Variants in ZNF354B observed in about 807,000 individuals in gnomAD.
ZNF354B encodes the protein zinc finger protein 354B.
A neutral mutation model predicts 12.9 loss-of-function variants in ZNF354B; 10 were observed. The observed-to-expected ratio is 0.77, with a 90% CI of 0.48 to 1.31. ZNF354B has a LOEUF of 1.31. ZNF354B is among the 40% of genes most tolerant of loss of function. ZNF354B has a pLI of 0.00. For synonymous variants in ZNF354B, 260 were observed against 243.7 expected, an observed-to-expected ratio of 1.07 and a Z score of -0.62; for missense variants, 614 against 711.7, an observed-to-expected ratio of 0.86 and a Z score of 1.56.
chr5:178,882,891 G>A lies in ZNF354B; in HGVS notation c.439G>A (p.Ala147Thr). The A allele has an allele frequency of 6.3e-7, 1 of 1,599,124 alleles. No homozygotes were observed. The highest frequency in any genetic ancestry group is 8.5e-7 in the Non-Finnish European group (1 of 1,176,532). ...TGAAAATTTACAAATAATTTCAGTT[G>A]CCCATACAAAAATCCTTACTGTAGA... ...KNENLQIISV[A>T]HTKILTVDRS... is the part of the protein sequence containing the mutation. The change falls in exon 5 of 5, where the codon GCC (alanine) becomes ACC (threonine). Residue 147 changes from alanine (A) to threonine (T), a missense_variant. Coordinates refer to ENST00000322434, the MANE Select transcript of ZNF354B (RefSeq NM_058230.3).
Position 178,883,951 on chromosome 5 carries a change from A to G in ZNF354B, c.1499A>G (p.Asp500Gly). 1 of 1,614,144 alleles carries G rather than the reference A, an allele frequency of 6.2e-7. No homozygotes were observed. The change falls in exon 5 of 5, where the codon GAC becomes GGC. Residue 500 changes from aspartate to glycine, a missense_variant. By Grantham distance (94) the Asp-to-Gly change is moderately conservative (BLOSUM62 -1). Transcript: ENST00000322434. ...GERPYKCNEC[D>G]KTFRCNSSLS... ...AGACCCTATAAGTGTAACGAATGTG[A>G]CAAAACATTCAGGTGTAACTCATCG... is the stretch of plus-strand genomic sequence containing the variant.
intron 2 of ZNF354B, among the ~76,000 whole-genome samples, chr5:178,863,788 CAGT>C (rs1189920159): frequency 1.3e-5 from 2 of 152,122 alleles, no homozygotes; most frequent in Non-Finnish European, 2.9e-5. Context: ...AGGTGGAAGA[CAGT>C]GGTGTTGATG....
chr5:178,871,163 TC>T (rs937566118), intron 4 of ZNF354B, among the ~76,000 whole-genome samples: 2 of 152,044 alleles, frequency 1.3e-5, no homozygotes, highest in Admixed American at 1.3e-4. Context: ...TAGCCCAAAG[TC>T]CCCATCATGG....
chr5:178,863,466 C>T (rs1433917351), intron 2 of ZNF354B, among the ~76,000 whole-genome samples: 1 of 152,140 alleles, frequency 6.6e-6, no homozygotes, highest in Non-Finnish European at 1.5e-5. Context: ...GGGCTTTGCT[C>T]CTGTTTTGTG....
intron 4 of ZNF354B, among the ~76,000 whole-genome samples, chr5:178,867,580 C>T (rs1030053120): frequency 1.3e-5 from 2 of 152,138 alleles, no homozygotes; most frequent in Non-Finnish European, 2.9e-5. Context: ...AGTCTCCATC[C>T]GTGTAAGAAC....
chr5:178,869,723 A>G (rs1483151990), intron 4 of ZNF354B, among the ~76,000 whole-genome samples: 1 of 151,932 alleles, frequency 6.6e-6, no homozygotes, highest in Non-Finnish European at 1.5e-5. Context: ...CCCTGCGGGA[A>G]AACCCTGAGC....
chr5:178,869,568 A>G (rs11949181), intron 4 of ZNF354B, among the ~76,000 whole-genome samples: 22,532 of 151,996 alleles, frequency 0.15, 2,040 homozygotes, highest in African/African-American at 0.25. Context: ...CCCTTTAACT[A>G]GGGAGCACCT....
At chr5:178,866,476 G>C in intron 3 of ZNF354B, 106 bp downstream of exon 3, 1 of 1,486,910 alleles carries the variant, frequency 6.7e-7, no homozygotes, top group Admixed American at 2.2e-5. Context: ...AGCTCAGTTT[G>C]AGGATTGTAC....
At chr5:178,864,647 G>T (rs1444438197) in intron 2 of ZNF354B, among the ~76,000 whole-genome samples, 10 of 150,924 alleles carry the variant, frequency 6.6e-5, no homozygotes, top group Non-Finnish European at 1.5e-4. Flanking sequence ...TTTGGAGAGG[G>T]AGTCTCACTT....
intron 4 of ZNF354B, among the ~76,000 whole-genome samples, chr5:178,871,809 G>C (rs1757568034): frequency 6.6e-6 from 1 of 152,178 alleles, no homozygotes; most frequent in South Asian, 2.1e-4. Flanking sequence ...TTCTGGGATG[G>C]CCGGTGTCAT....
intron 2 of ZNF354B, among the ~76,000 whole-genome samples, chr5:178,863,646 T>C (rs1370672130): frequency 6.6e-6 from 1 of 152,244 alleles, no homozygotes; most frequent in Non-Finnish European, 1.5e-5. Flanking sequence ...TGCTTGTTTT[T>C]TAAAAAGTTA....
intron 4 of ZNF354B, among the ~76,000 whole-genome samples, chr5:178,869,439 T>G (rs1373887682): frequency 1.3e-5 from 2 of 152,214 alleles, no homozygotes; most frequent in East Asian, 1.9e-4. Context: ...CACCACAAAG[T>G]AAGCCGAATG....
chr5:178,876,926 C>A lies in ZNF354B; in HGVS notation c.257-5783C>A, dbSNP rs577517897. On this transcript the variant is annotated intron_variant, in intron 4 of 4. Coordinates refer to ENST00000322434, the MANE Select transcript of ZNF354B (RefSeq NM_058230.3). ...AACCATACTTTCCTATTTTTTTATGCCTTTTTTTTTTTTTGTCTTACAGTG... is the reference window on the plus strand; with the variant it reads ...AACCATACTTTCCTATTTTTTTATGACTTTTTTTTTTTTTGTCTTACAGTG... Among the ~76,000 whole-genome samples, 3 of 124,500 alleles carry A rather than the reference C, an allele frequency of 2.4e-5. No homozygotes were observed. The East Asian group carries it at 6.3e-4, about 26-fold the overall frequency. 81.7% of individuals were successfully genotyped at this position (124,500 alleles called of 152,430 possible).
At position 178,866,961 on chromosome 5, in the gene ZNF354B, G is replaced by C; in HGVS notation, c.161-15G>C. 6.2e-7 allele frequency: 1 copy of C among 1,610,618 alleles called. No homozygotes were observed. The highest frequency in any genetic ancestry group is 1.3e-5 in the African/African-American group (1 of 74,932). Reference sequence around the variant, plus strand: ...GAAGACTGAGACTTTTGTTGTTGTTGTTGTTTATGTGCAGGACTCTCATTT... The same window carrying C: ...GAAGACTGAGACTTTTGTTGTTGTTCTTGTTTATGTGCAGGACTCTCATTT... On this transcript the variant is annotated splice_polypyrimidine_tract_variant and intron_variant, in intron 3 of 4. Transcript: ENST00000322434.
intron 4 of ZNF354B, among the ~76,000 whole-genome samples, chr5:178,868,433 C>T (rs1757498475): frequency 6.6e-6 from 1 of 150,708 alleles, no homozygotes. Flanking sequence ...GAACCCTCGC[C>T]CACAGCTTTG....
intron 4 of ZNF354B, among the ~76,000 whole-genome samples, chr5:178,870,999 T>C (rs750777880): frequency 6.6e-6 from 1 of 152,216 alleles, no homozygotes; most frequent in African/African-American, 2.4e-5. Context: ...AGTCTTTTTC[T>C]TGTTTGCCAG....
intron 4 of ZNF354B, among the ~76,000 whole-genome samples, chr5:178,878,977 G>C (rs1236900702): frequency 6.7e-6 from 1 of 148,982 alleles, no homozygotes; most frequent in South Asian, 2.2e-4. Flanking sequence ...CTGGGATTAC[G>C]GGTGTGAGCC....
At chr5:178,873,634 G>T (rs895140913) in intron 4 of ZNF354B, among the ~76,000 whole-genome samples, 1 of 152,090 alleles carries the variant, frequency 6.6e-6, no homozygotes, top group Non-Finnish European at 1.5e-5. Context: ...CTGTGTTTCT[G>T]TTCCTCTGCC....
At chr5:178,863,592 T>C (rs1757395640) in intron 2 of ZNF354B, among the ~76,000 whole-genome samples, 1 of 152,256 alleles carries the variant, frequency 6.6e-6, no homozygotes, top group African/African-American at 2.4e-5. Context: ...TGCTGGGTTA[T>C]ATATTTATTG....
Sources: gnomAD v4.1 joint callset for allele counts (sites outside exome capture counted in the v4.1 genomes callset) on GRCh38, gnomAD v4.1.1 for gene constraint, MANE v1.5 for transcripts, NCBI Gene and HGNC (gene_info 2026-07-23, HGNC 2026-07-21) for gene names.